Variants in SLC44A5 observed in about 807,000 individuals in gnomAD.
The protein encoded by SLC44A5 is solute carrier family 44 member 5.
Under a neutral mutation model 101.8 loss-of-function variants are expected in SLC44A5, and 57 were observed. That is an observed-to-expected ratio of 0.56 (90% CI 0.45 to 0.70). SLC44A5 has a LOEUF of 0.70. SLC44A5 is among the 30% of genes least tolerant of loss of function. SLC44A5 has a pLI of 0.00. For synonymous variants in SLC44A5, 281 were observed against 290.9 expected (o/e 0.97, Z 0.35); for missense variants, 737 against 853.1 (o/e 0.86, Z 1.70).
intron 1 of SLC44A5, among the ~76,000 whole-genome samples, chr1:75,574,388 T>A (rs1673253565): frequency 6.6e-6 from 1 of 152,226 alleles, no homozygotes; most frequent in African/African-American, 2.4e-5. Context: ...TCATTAACTG[T>A]CACTAAATTT....
At chr1:75,214,115 G>A in intron 20 of SLC44A5, 126 bp from the exon 21 acceptor site, 1 of 658,358 alleles carries the variant, frequency 1.5e-6, no homozygotes, top group Non-Finnish European at 2.7e-6. Flanking sequence ...TTTGGCAATT[G>A]TTTTGCAAGA....
chr1:75,433,976 G>A (rs967212841), intron 2 of SLC44A5, among the ~76,000 whole-genome samples: 1 of 151,944 alleles, frequency 6.6e-6, no homozygotes, highest in African/African-American at 2.4e-5. Flanking sequence ...TCACTGCCCC[G>A]AGAATAGTAT....
At chr1:75,393,039 C>T (rs939883582) in intron 3 of SLC44A5, among the ~76,000 whole-genome samples, 4 of 152,112 alleles carry the variant, frequency 2.6e-5, no homozygotes, top group Non-Finnish European at 5.9e-5. Context: ...GAAAATCAAC[C>T]TATTGGGTAC....
At chr1:75,634,275 G>A in the SLC44A5 span, among the ~76,000 whole-genome samples, 3 of 152,056 alleles carry the variant, frequency 2.0e-5, no homozygotes, top group Admixed American at 1.3e-4. Flanking sequence ...TCTATTGATT[G>A]GAATAGTTTC....
chr1:75,588,034 T>C (rs919389113), intron 1 of SLC44A5, among the ~76,000 whole-genome samples: 2 of 152,144 alleles, frequency 1.3e-5, no homozygotes, highest in Non-Finnish European at 2.9e-5. Flanking sequence ...TTTGTGGGTA[T>C]ACACAGGACA....
intron 3 of SLC44A5, among the ~76,000 whole-genome samples, chr1:75,358,746 G>T (rs80195302): frequency 6.6e-6 from 1 of 151,892 alleles, no homozygotes; most frequent in East Asian, 1.9e-4. Context: ...GTGTACATTC[G>T]TGAATGGGAT....
chr1:75,684,095 G>T, the SLC44A5 span, among the ~76,000 whole-genome samples: 5,240 of 152,206 alleles, frequency 0.034, 305 homozygotes, highest in African/African-American at 0.12. Context: ...ATCTTACATG[G>T]TGGCAAGCAA....
rs1418651172 is a variant in SLC44A5, at chr1:75,251,222, G to A, written c.333C>T (p.Cys111=). 11 of 1,612,610 alleles carry A rather than the reference G, an allele frequency of 6.8e-6. No homozygotes were observed. The Admixed American group carries it at 1.2e-4, about 17-fold the overall frequency. The part of the protein sequence containing the change: ...TSPSVLLNLQ[C]PTTQICVSKC... ...CCTTTTGCCTTACCTGTGTGGTAGG[G>A]CACTGTAGGTTTAGCAACACGGAGG... The change falls in exon 7 of 24, where the codon TGC becomes TGT. Residue 111 remains cysteine (C), a synonymous_variant. Transcript: ENST00000370859.
At chr1:75,699,521 A>G in the SLC44A5 span, among the ~76,000 whole-genome samples, 9 of 152,174 alleles carry the variant, frequency 5.9e-5, no homozygotes, top group Admixed American at 1.3e-4. Context: ...ATGGAAAGGA[A>G]CAACTGGTAC....
At chr1:75,600,545 T>A (rs976807699) in intron 1 of SLC44A5, among the ~76,000 whole-genome samples, 2 of 152,160 alleles carry the variant, frequency 1.3e-5, no homozygotes, top group African/African-American at 4.8e-5. Context: ...TCAAAAAATA[T>A]TTTAAGTAGT....
At chr1:75,619,079 A>AGAG in the SLC44A5 span, among the ~76,000 whole-genome samples, 1 of 96,548 alleles carries the variant, frequency 1.0e-5, no homozygotes, top group Non-Finnish European at 1.9e-5. Context: ...TCAAAAAAAA[A>AGAG]GGGGGGGGGG....
At chr1:75,289,178 G>C (rs1653326515) in intron 5 of SLC44A5, among the ~76,000 whole-genome samples, 1 of 152,142 alleles carries the variant, frequency 6.6e-6, no homozygotes. Context: ...TTAGTTGTCA[G>C]ATTTGAGTAG....
intron 2 of SLC44A5, among the ~76,000 whole-genome samples, chr1:75,498,843 T>C (rs1240016660): frequency 2.0e-5 from 3 of 152,214 alleles, no homozygotes; most frequent in Non-Finnish European, 4.4e-5. Flanking sequence ...TGCAATATAT[T>C]GAAAGTCAAG....
intron 4 of SLC44A5, among the ~76,000 whole-genome samples, chr1:75,306,375 C>T (rs959301829): frequency 1.3e-5 from 2 of 152,186 alleles, no homozygotes; most frequent in East Asian, 3.8e-4. Context: ...GCACCCTTCA[C>T]TGACAGTCTA....
At chr1:75,211,381 C>A in intron 23 of SLC44A5, 87 bp downstream of exon 23, 1 of 1,004,158 alleles carries the variant, frequency 1.0e-6, no homozygotes, top group South Asian at 1.5e-5. Context: ...AACAGCAGAT[C>A]CCCAAGCCAG....
chr1:75,435,686 TTGGTTTA>T (rs1342094979), intron 2 of SLC44A5, among the ~76,000 whole-genome samples: 1 of 152,170 alleles, frequency 6.6e-6, no homozygotes, highest in Non-Finnish European at 1.5e-5. Flanking sequence ...TGTCCTTTTA[TTGGTTTA>T]TGAGAACCCA....
At chr1:75,698,603 C>A in the SLC44A5 span, among the ~76,000 whole-genome samples, 1 of 152,238 alleles carries the variant, frequency 6.6e-6, no homozygotes, top group African/African-American at 2.4e-5. Context: ...CGTCTCTCCT[C>A]CTCCAAAGGA....
chr1:75,294,141 A>C (rs1252452245), intron 5 of SLC44A5, among the ~76,000 whole-genome samples: 4 of 152,190 alleles, frequency 2.6e-5, no homozygotes, highest in Non-Finnish European at 5.9e-5. Context: ...AATGTTTCCA[A>C]GCTGTGATCT....
At chr1:75,520,793 G>GTAC (rs1176025175) in intron 2 of SLC44A5, among the ~76,000 whole-genome samples, 2 of 152,122 alleles carry the variant, frequency 1.3e-5, no homozygotes, top group Non-Finnish European at 1.5e-5. Context: ...AGAAAATAGA[G>GTAC]TACAGTGGGG....
Sources: allele counts gnomAD v4.1 joint callset (sites outside exome capture counted in the v4.1 genomes callset), GRCh38; gene constraint gnomAD v4.1.1; transcripts MANE v1.5; gene names NCBI Gene and HGNC (gene_info 2026-07-23, HGNC 2026-07-21).